The following ZNF620 variants were observed in gnomAD, a reference collection of about 807,000 sequenced individuals.
ZNF620 encodes the protein zinc finger protein 620.
A neutral mutation model predicts 13.3 loss-of-function variants in ZNF620; 10 were observed. The observed-to-expected ratio is 0.75, with a 90% CI of 0.46 to 1.28. ZNF620 has a LOEUF of 1.28. Among genes scored for constraint, ZNF620 ranks in the 50% most tolerant of loss-of-function variants. The pLI is 0.00. For missense variants in ZNF620, 461 were observed against 500.2 expected, an observed-to-expected ratio of 0.92 and a Z score of 0.75; for synonymous variants, 166 against 177.6, an observed-to-expected ratio of 0.93 and a Z score of 0.52.
At chr3:40,506,499 A>G (rs1698023923) in intron 2 of ZNF620, 123 bp downstream of exon 2, 6 of 1,091,866 alleles carry the variant, frequency 5.5e-6, no homozygotes, top group Non-Finnish European at 8.1e-6. Context: ...TGTCACTATG[A>G]GAGGGATGGA....
intron 3 of ZNF620, among the ~76,000 whole-genome samples, chr3:40,512,034 G>T (rs1041908143): frequency 6.6e-6 from 1 of 152,174 alleles, no homozygotes; most frequent in Admixed American, 6.5e-5. Context: ...AGGCTGAGCT[G>T]CCTGGAAGTT....
In ZNF620 at chr3:40,512,490, G is replaced by A. The variant is rs139702222; in HGVS notation, c.240G>A (p.Arg80=). 2.0e-4 allele frequency: 323 copies of A among 1,613,816 alleles called. 1 individual carries two copies. Among genetic ancestry groups the A allele is most frequent in the South Asian group, 1.3e-3 (116 of 91,028 alleles). ...WGLDPWEPMG[R]EALRGICPGD... is the part of the protein sequence containing the mutation. ...TCGATCCCTGGGAACCTATGGGCAG[G>A]GAGGCTCTCAGAGGTATCTGTCCAG... is the stretch of plus-strand genomic sequence containing the variant. Residue 80 remains arginine, a synonymous_variant, in exon 4 of 5, where the codon AGG becomes AGA. Transcript: ENST00000314529.
At chr3:40,508,725 C>T in intron 2 of ZNF620, 1 of 456,176 alleles carries the variant, frequency 2.2e-6, no homozygotes, top group Non-Finnish European at 4.4e-6. Context: ...CCTCCACCTC[C>T]CAGGCCTAAG....
chr3:40,512,128 G>T lies in ZNF620; in HGVS notation c.152-274G>T, dbSNP rs375178420. ...GGGAGGGGCTGTACCCAAAACATGG[G>T]GGGGAAAGGAGCTCTTGGGAGCACA... On this transcript the variant is annotated intron_variant, in intron 3 of 4. Transcript: ENST00000314529. Among the ~76,000 whole-genome samples, 8 of 152,320 alleles carry T rather than the reference G, an allele frequency of 5.3e-5. No individual in the cohort carries two copies. In the East Asian group the frequency reaches 9.6e-4, roughly 18 times the overall value.
chr3:40,516,902 T>G lies in ZNF620; in HGVS notation c.*39T>G. 6.5e-7 allele frequency: 1 copy of G among 1,529,234 alleles called. No individual in the cohort carries two copies. Among genetic ancestry groups the G allele is most frequent in the Non-Finnish European group, 8.8e-7 (1 of 1,139,288 alleles). 94.7% of individuals were successfully genotyped at this position (1,529,234 alleles called of 1,614,324 possible). A position where few individuals can be genotyped will look rare whatever the true frequency, so the allele number is the denominator to read the frequency against. ...TAGGCCCACTGTGCCTCTCCTTTTTTCTCTTTATTTTCATGCTTTTTATCA... is the reference window on the plus strand; with the variant it reads ...TAGGCCCACTGTGCCTCTCCTTTTTGCTCTTTATTTTCATGCTTTTTATCA... On this transcript the variant is annotated 3_prime_UTR_variant, in exon 5 of 5. Coordinates refer to ENST00000314529, the MANE Select transcript of ZNF620 (RefSeq NM_175888.4).
In ZNF620 at chr3:40,516,041, A is replaced by G. The variant is rs749978701; in HGVS notation, c.447A>G (p.Arg149=). 1 of 1,614,176 alleles carries G rather than the reference A, an allele frequency of 6.2e-7. No individual in the cohort carries two copies. The highest frequency in any genetic ancestry group is 1.7e-5 in the Admixed American group (1 of 60,016). The change falls in exon 5 of 5, where the codon AGA becomes AGG. Residue 149 remains arginine (R), a synonymous_variant. Transcript: ENST00000314529. ...TAATTAAGACAAAGTCAAAGAGGAGACATTTCACAGATACCTCAGCCAGGC... is the reference window on the plus strand; with the variant it reads ...TAATTAAGACAAAGTCAAAGAGGAGGCATTTCACAGATACCTCAGCCAGGC... ...HWIIKTKSKR[R]HFTDTSARHH... is the part of the protein sequence containing the mutation.
chr3:40,516,622 A>G lies in ZNF620; in HGVS notation c.1028A>G (p.Lys343Arg). ...CCTTATGAATGTAAAGAGTGTGGAA[A>G]ACGATTAAGCTCCAACACAGCCTTG... Reference protein sequence around the residue: ...EKPYECKECGKRLSSNTALTQ... With the variant: ...EKPYECKECGRRLSSNTALTQ... The change falls in exon 5 of 5, where the codon AAA becomes AGA. Residue 343 changes from lysine (K) to arginine (R), a missense_variant. By Grantham distance (26) the Lys-to-Arg change is conservative. Coordinates refer to ENST00000314529, the MANE Select transcript of ZNF620 (RefSeq NM_175888.4). 1 of 1,613,790 alleles carries G rather than the reference A, an allele frequency of 6.2e-7. No individual in the cohort carries two copies. The highest frequency in any genetic ancestry group is 8.5e-7 in the Non-Finnish European group (1 of 1,179,720).
In ZNF620 at chr3:40,516,133, G is replaced by T. The variant is rs760637951; in HGVS notation, c.539G>T (p.Ser180Ile). The change falls in exon 5 of 5, where the codon AGC becomes ATC. Residue 180 changes from serine (S) to isoleucine (I), a missense_variant. Transcript: ENST00000314529. ...FEKLGKNISV[S>I]TQLTTNQTNP... The stretch of plus-strand genomic sequence containing the variant: ...AAATTAGGAAAAAATATTAGCGTCA[G>T]CACACAACTCACTACAAATCAGACA... 2.5e-6 allele frequency: 4 copies of T among 1,614,076 alleles called. No homozygotes were observed. The highest frequency in any genetic ancestry group is 3.4e-6 in the Non-Finnish European group (4 of 1,180,026).
At position 40,506,365 on chromosome 3, in the gene ZNF620, G is replaced by A; in HGVS notation, c.13G>A (p.Ala5Thr). 1 of 1,613,922 alleles carries A rather than the reference G, an allele frequency of 6.2e-7. No homozygotes were observed. The highest frequency in any genetic ancestry group is 8.5e-7 in the Non-Finnish European group (1 of 1,179,958). MFQT[A>T]WRQEPVTFED... ...TGGGACGCCAGCCATGTTCCAGACCGCTTGGCGCCAGGTGAGTGAGCATCC... is the reference window on the plus strand; with the variant it reads ...TGGGACGCCAGCCATGTTCCAGACCACTTGGCGCCAGGTGAGTGAGCATCC... Residue 5 changes from alanine (A) to threonine (T), a missense_variant, in exon 2 of 5, where the codon GCT becomes ACT. By Grantham distance (58) the Ala-to-Thr change is moderately conservative. Coordinates refer to ENST00000314529, the MANE Select transcript of ZNF620 (RefSeq NM_175888.4).
At chr3:40,510,352 G>T (rs904063749) in intron 2 of ZNF620, among the ~76,000 whole-genome samples, 1 of 152,108 alleles carries the variant, frequency 6.6e-6, no homozygotes, top group African/African-American at 2.4e-5. Context: ...TGTTTAGTCT[G>T]TTGCCATCTC....
In ZNF620 at chr3:40,516,835, ACACT is replaced by A; in HGVS notation, c.1244_1247del (p.Thr415ArgfsTer13). On this transcript the variant is annotated frameshift_variant, in exon 5 of 5. Transcript: ENST00000314529. LOFTEE classifies it low-confidence loss of function (END_TRUNC). ...AGATTCATTCTGCATCAGAAACTAC[ACACT>A]CAGAAGACACCTGTCCAAGCATAGG... 1 of 1,611,726 alleles carries A rather than the reference ACACT, an allele frequency of 6.2e-7. No homozygotes were observed. Among genetic ancestry groups the A allele is most frequent in the Non-Finnish European group, 8.5e-7 (1 of 1,178,298 alleles).
intron 4 of ZNF620, among the ~76,000 whole-genome samples, chr3:40,513,512 G>A (rs1212678259): frequency 6.6e-6 from 1 of 150,880 alleles, no homozygotes; most frequent in African/African-American, 2.4e-5. Flanking sequence ...GGTAGCACGT[G>A]CCTGTAATCC....
rs778738366 is a variant in ZNF620, at chr3:40,511,537, T to A, written c.92T>A (p.Val31Glu). Residue 31 changes from valine (V) to glutamate (E), a missense_variant, in exon 3 of 5, where the codon GTG (valine) becomes GAG (glutamate). Transcript: ENST00000314529. Reference protein sequence around the residue: ...TQNEWASLDSVQRALYREVML... With the variant: ...TQNEWASLDSEQRALYREVML... ...AATGAATGGGCCAGCCTGGACTCTGTGCAGAGGGCCCTGTACAGGGAAGTG... is the reference window on the plus strand; with the variant it reads ...AATGAATGGGCCAGCCTGGACTCTGAGCAGAGGGCCCTGTACAGGGAAGTG... The A allele has an allele frequency of 1.4e-5, 22 of 1,613,836 alleles. No individual in the cohort carries two copies. The African/African-American group carries it at 2.8e-4, about 21-fold the overall frequency.
intron 2 of ZNF620, among the ~76,000 whole-genome samples, chr3:40,509,730 G>A (rs1698137815): frequency 6.6e-6 from 1 of 151,924 alleles, no homozygotes; most frequent in Non-Finnish European, 1.5e-5. Flanking sequence ...CTCCTCTCTG[G>A]CATTCTGTCC....
chr3:40,507,876 C>T (rs146059206), intron 2 of ZNF620, among the ~76,000 whole-genome samples: 8 of 152,264 alleles, frequency 5.3e-5, no homozygotes, highest in South Asian at 2.1e-4. Context: ...CAATCCTCCC[C>T]GCTCAGCCTC....
rs1043397836 is a variant in ZNF620 at position 40,517,023 on chromosome 3, A to G, written c.*160A>G. On this transcript the variant is annotated 3_prime_UTR_variant, in exon 5 of 5. Transcript: ENST00000314529. ...TGTTTCCCCAACATGAAGTCTCTTT[A>G]TGGTTAGAGAAGACCAAAAAACAAA... 5 of 688,632 alleles carry G rather than the reference A, an allele frequency of 7.3e-6. No individual in the cohort carries two copies. Among genetic ancestry groups the G allele is most frequent in the East Asian group, 5.8e-5 (2 of 34,528 alleles). 42.7% of individuals were successfully genotyped at this position (688,632 alleles called of 1,614,324 possible).
chr3:40,515,962 T>C lies in ZNF620; in HGVS notation c.368T>C (p.Val123Ala). 1 of 1,614,144 alleles carries C rather than the reference T, an allele frequency of 6.2e-7. No homozygotes were observed. The highest frequency in any genetic ancestry group is 8.5e-7 in the Non-Finnish European group (1 of 1,180,026). The change falls in exon 5 of 5, where the codon GTT becomes GCT. Residue 123 changes from valine to alanine, a missense_variant. By Grantham distance (64) the Val-to-Ala change is moderately conservative. Coordinates refer to ENST00000314529, the MANE Select transcript of ZNF620 (RefSeq NM_175888.4). ...ATGGTGGGGGGCCTGCCAGGGAATG[T>C]TTCCCAGCACCTTGACTTTGGGAGC... is the stretch of plus-strand genomic sequence containing the variant. Reference protein sequence around the residue: ...RLMVGGLPGNVSQHLDFGSSL... With the variant: ...RLMVGGLPGNASQHLDFGSSL...
chr3:40,514,254 C>T (rs1698304249), intron 4 of ZNF620, among the ~76,000 whole-genome samples: 1 of 152,130 alleles, frequency 6.6e-6, no homozygotes, highest in Non-Finnish European at 1.5e-5. Flanking sequence ...TGTAAGCTGT[C>T]CCCTCTCTCT....
At chr3:40,510,548 C>A (rs1273583230) in intron 2 of ZNF620, among the ~76,000 whole-genome samples, 4 of 152,022 alleles carry the variant, frequency 2.6e-5, no homozygotes, top group Non-Finnish European at 2.9e-5. Context: ...AATATTTTAC[C>A]AAGTTATAAA....
Sources: allele counts gnomAD v4.1 joint callset (sites outside exome capture counted in the v4.1 genomes callset), GRCh38; gene constraint gnomAD v4.1.1; transcripts MANE v1.5; gene names NCBI Gene and HGNC (gene_info 2026-07-23, HGNC 2026-07-21).